Variants in LRMDA observed in about 807,000 individuals in gnomAD.
LRMDA encodes the protein leucine-rich melanocyte differentiation-associated protein.
A neutral mutation model predicts 29.8 loss-of-function variants in LRMDA; 18 were observed. The observed-to-expected ratio is 0.60, with a 90% CI of 0.42 to 0.90. The LOEUF is 0.90. Ranked by LOEUF, LRMDA falls within the 40% of genes least tolerant of loss-of-function variation. The pLI, the probability that LRMDA is intolerant of heterozygous loss-of-function variation, is 0.00. For synonymous variants in LRMDA, 125 were observed against 109.4 expected (o/e 1.14, Z -0.89); for missense variants, 273 against 273.9 (o/e 1.00, Z 0.02).
intron 4 of LRMDA, among the ~76,000 whole-genome samples, chr10:76,057,461 G>T (rs946918340): frequency 6.6e-6 from 1 of 152,188 alleles, no homozygotes; most frequent in East Asian, 1.9e-4. Flanking sequence ...AAATAAATTT[G>T]TCCCTGCCTT....
intron 2 of LRMDA, among the ~76,000 whole-genome samples, chr10:75,490,822 C>T (rs1316585695): frequency 1.3e-5 from 2 of 152,188 alleles, no homozygotes; most frequent in African/African-American, 2.4e-5. Context: ...CACTAATACG[C>T]CTCTGCTGAT....
chr10:76,056,723 G>T (rs777382532), intron 4 of LRMDA, among the ~76,000 whole-genome samples: 15 of 152,210 alleles, frequency 9.9e-5, no homozygotes, highest in Non-Finnish European at 1.8e-4. Context: ...TGGGAGTCGG[G>T]AGAGGCCAGG....
At chr10:75,448,037 C>G (rs1254221265) in intron 2 of LRMDA, among the ~76,000 whole-genome samples, 4 of 152,152 alleles carry the variant, frequency 2.6e-5, no homozygotes, top group African/African-American at 7.2e-5. Flanking sequence ...GAAAATGATA[C>G]TTTGTGCCAC....
intron 2 of LRMDA, chr10:75,450,433 C>T (rs7072873): frequency 0.46 from 70,111 of 151,438 alleles, 16,915 homozygotes; most frequent in East Asian, 0.55. Context: ...AAATAAGAGA[C>T]GGGTAGAACA....
intron 2 of LRMDA, among the ~76,000 whole-genome samples, chr10:75,948,560 C>T (rs773425910): frequency 2.0e-5 from 3 of 152,106 alleles, no homozygotes; most frequent in Middle Eastern, 3.4e-3. Flanking sequence ...GAAACAAGGC[C>T]GACCAAGGTA....
chr10:76,226,108 T>C (rs1564692177), intron 5 of LRMDA, among the ~76,000 whole-genome samples: 1 of 152,126 alleles, frequency 6.6e-6, no homozygotes, highest in South Asian at 2.1e-4. Flanking sequence ...TGCCACATTT[T>C]CTTAATCCAG....
chr10:75,779,828 C>A (rs903470572), intron 2 of LRMDA, among the ~76,000 whole-genome samples: 2 of 152,110 alleles, frequency 1.3e-5, no homozygotes, highest in Non-Finnish European at 2.9e-5. Flanking sequence ...AGTGACCCCC[C>A]CAGCCCTACA....
At chr10:76,372,979 A>G (rs1279825448) in intron 6 of LRMDA, among the ~76,000 whole-genome samples, 2 of 152,234 alleles carry the variant, frequency 1.3e-5, no homozygotes, top group Non-Finnish European at 2.9e-5. Flanking sequence ...GTATTTGGGA[A>G]ATATATGTAA....
intron 6 of LRMDA, among the ~76,000 whole-genome samples, chr10:76,494,836 T>G (rs1285780647): frequency 6.6e-6 from 1 of 151,918 alleles, no homozygotes; most frequent in Non-Finnish European, 1.5e-5. Flanking sequence ...TCTCTAAGTA[T>G]TTTGGACTCA....
chr10:76,064,031 A>G (rs1340174344), intron 5 of LRMDA, among the ~76,000 whole-genome samples: 1 of 152,194 alleles, frequency 6.6e-6, no homozygotes, highest in Non-Finnish European at 1.5e-5. Flanking sequence ...AAAGGAATGA[A>G]CCATGAACAG....
intron 6 of LRMDA, among the ~76,000 whole-genome samples, chr10:76,453,684 A>G (rs377478141): frequency 5.9e-5 from 9 of 152,228 alleles, no homozygotes; most frequent in Admixed American, 5.2e-4. Flanking sequence ...TCCTGTAGAC[A>G]CTAAAAAATT....
chr10:75,902,668 G>A (rs1365523084), intron 2 of LRMDA, among the ~76,000 whole-genome samples: 1 of 152,124 alleles, frequency 6.6e-6, no homozygotes, highest in Admixed American at 6.5e-5. Flanking sequence ...TTTCAAATTT[G>A]TAATGCATTA....
At chr10:75,445,911 G>T (rs1844388389) in intron 2 of LRMDA, among the ~76,000 whole-genome samples, 1 of 152,272 alleles carries the variant, frequency 6.6e-6, no homozygotes, top group Admixed American at 6.5e-5. Flanking sequence ...GCATGGGCTG[G>T]AGAATTGCTT....
At chr10:76,524,558 T>C (rs959111791) in intron 6 of LRMDA, among the ~76,000 whole-genome samples, 2 of 152,242 alleles carry the variant, frequency 1.3e-5, no homozygotes, top group African/African-American at 4.8e-5. Flanking sequence ...TTATAATTAG[T>C]CTTTTTCCTT....
intron 6 of LRMDA, among the ~76,000 whole-genome samples, chr10:76,452,247 A>G (rs557656194): frequency 6.4e-4 from 98 of 152,286 alleles, no homozygotes; most frequent in Non-Finnish European, 8.5e-4. Context: ...GTAGACAATA[A>G]TATATGGTAA....
At chr10:76,391,601 A>G (rs1240998836) in intron 6 of LRMDA, among the ~76,000 whole-genome samples, 1 of 152,190 alleles carries the variant, frequency 6.6e-6, no homozygotes, top group African/African-American at 2.4e-5. Flanking sequence ...AGCCATGCAA[A>G]TTAAACTAAG....
chr10:76,400,114 T>A (rs549626878), intron 6 of LRMDA, among the ~76,000 whole-genome samples: 2 of 152,328 alleles, frequency 1.3e-5, no homozygotes, highest in African/African-American at 4.8e-5. Flanking sequence ...AAAACTTTTT[T>A]CCTGCTGATC....
At position 76,360,180 on chromosome 10, in the gene LRMDA, G is replaced by T. The variant is rs929315421; in HGVS notation, c.601+35695G>T. ...ATTTTGTATTTTTAGGAGAGACGGG[G>T]TTTCTCCATGTTGGTCAGGCTGGTC... On this transcript the variant is annotated intron_variant, in intron 6 of 6. Coordinates refer to ENST00000611255, the MANE Select transcript of LRMDA (RefSeq NM_001305581.2). Among the ~76,000 whole-genome samples the T allele has an allele frequency of 3.3e-5, 5 of 151,994 alleles. No individual in the cohort carries two copies. In the East Asian group the frequency reaches 7.8e-4, roughly 24 times the overall value.
At chr10:75,506,463 T>A (rs1007475003) in intron 2 of LRMDA, among the ~76,000 whole-genome samples, 1 of 113,362 alleles carries the variant, frequency 8.8e-6, no homozygotes, top group Non-Finnish European at 1.8e-5. Context: ...ATTCATTTAT[T>A]TTTTTCATTC....
Sources: allele counts gnomAD v4.1 joint callset (sites outside exome capture counted in the v4.1 genomes callset), GRCh38; gene constraint gnomAD v4.1.1; transcripts MANE v1.5; gene names NCBI Gene and HGNC (gene_info 2026-07-23, HGNC 2026-07-21).